The following NSG2 variants were observed in gnomAD, a reference collection of about 807,000 sequenced individuals.
The protein encoded by NSG2 is neuronal vesicle trafficking associated 2.
In NSG2, 4 loss-of-function variants were observed where a neutral mutation model predicts 16.9. The observed-to-expected ratio is 0.24, with a 90% CI of 0.12 to 0.54. The LOEUF is 0.54. NSG2 is among the 20% of genes least tolerant of loss of function. NSG2 has a pLI of 0.95. For missense variants in NSG2, 179 were observed against 221.1 expected (o/e 0.81, Z 1.21); for synonymous variants, 98 against 88.7 (o/e 1.11, Z -0.59).
At chr5:174,092,336 G>A (rs918733036) in intron 3 of NSG2, among the ~76,000 whole-genome samples, 9 of 152,258 alleles carry the variant, frequency 5.9e-5, no homozygotes, top group African/African-American at 2.2e-4. Context: ...GGTCGGGGAT[G>A]CAGGAGGGGT....
intron 3 of NSG2, among the ~76,000 whole-genome samples, chr5:174,103,260 A>G (rs1483712496): frequency 6.6e-6 from 1 of 152,078 alleles, no homozygotes; most frequent in Non-Finnish European, 1.5e-5. Flanking sequence ...TGGTCAGATT[A>G]TGGGTGTATT....
intron 2 of NSG2, among the ~76,000 whole-genome samples, chr5:174,053,719 A>C (rs1581217110): frequency 6.6e-6 from 1 of 152,302 alleles, no homozygotes; most frequent in East Asian, 1.9e-4. Flanking sequence ...ATGTAGCAAA[A>C]ATACCTTATA....
At chr5:174,058,400 C>G (rs1759997526) in intron 2 of NSG2, among the ~76,000 whole-genome samples, 1 of 152,116 alleles carries the variant, frequency 6.6e-6, no homozygotes. Context: ...CACTGCACTC[C>G]AGCCTGGGCA....
intron 3 of NSG2, among the ~76,000 whole-genome samples, chr5:174,101,342 G>C (rs1316734243): frequency 2.0e-5 from 3 of 152,228 alleles, no homozygotes; most frequent in African/African-American, 2.4e-5. Context: ...AAAGTGAGCA[G>C]TGCAGTGGCA....
rs186590771 is a variant in NSG2 at position 174,074,419 on chromosome 5, G to A, written c.213+10104G>A. On this transcript the variant is annotated intron_variant, in intron 3 of 4. Coordinates refer to ENST00000303177, the MANE Select transcript of NSG2 (RefSeq NM_015980.5). ...GCTTGGGTCTCCAGTGGGAAGCTAC[G>A]CCTGGTACCTGTGGGCCTCCATCCC... 1.3e-3 allele frequency among the ~76,000 whole-genome samples: 199 copies of A among 152,160 alleles called. 1 individual carries two copies. Among genetic ancestry groups the A allele is most frequent in the Admixed American group, 9.7e-3 (148 of 15,282 alleles).
intron 3 of NSG2, among the ~76,000 whole-genome samples, chr5:174,101,196 C>T (rs1052214661): frequency 4.6e-5 from 7 of 152,204 alleles, no homozygotes; most frequent in African/African-American, 1.7e-4. Context: ...ATCCCTTTAA[C>T]AGAAAGGGTC....
intron 2 of NSG2, chr5:174,062,480 CAG>C (rs1760068531): frequency 1.3e-5 from 2 of 152,174 alleles, no homozygotes; most frequent in African/African-American, 4.8e-5. Flanking sequence ...ATAAAAATAA[CAG>C]AGCATCCTTC....
intron 3 of NSG2, among the ~76,000 whole-genome samples, chr5:174,077,932 GAAATT>G (rs996947390): frequency 2.0e-5 from 3 of 152,138 alleles, no homozygotes; most frequent in African/African-American, 7.2e-5. Context: ...CATTCACTGA[GAAATT>G]AAAGTCTCCC....
intron 3 of NSG2, among the ~76,000 whole-genome samples, chr5:174,094,040 CACT>C (rs1248402052): frequency 6.6e-6 from 1 of 152,164 alleles, no homozygotes; most frequent in Non-Finnish European, 1.5e-5. Flanking sequence ...TGCTTCGTTG[CACT>C]ATTACAAGCA....
Position 174,104,304 on chromosome 5 carries a change from A to G in NSG2, c.290A>G (p.Tyr97Cys), listed in dbSNP as rs776692874. ...CTGGTGGTTTACAAAGCCTTCACCTATGATCACAGCTGCCCAGAGGGATTC... is the reference window on the plus strand; with the variant it reads ...CTGGTGGTTTACAAAGCCTTCACCTGTGATCACAGCTGCCCAGAGGGATTC... ...VFLVVYKAFT[Y>C]DHSCPEGFVY... is the part of the protein sequence containing the mutation. Residue 97 changes from tyrosine to cysteine, a missense_variant, in exon 4 of 5, where the codon TAT becomes TGT. Coordinates refer to ENST00000303177, the MANE Select transcript of NSG2 (RefSeq NM_015980.5). 2 of 1,614,088 alleles carry G rather than the reference A, an allele frequency of 1.2e-6. No homozygotes were observed. Among genetic ancestry groups the G allele is most frequent in the Admixed American group, 1.7e-5 (1 of 60,026 alleles).
intron 3 of NSG2, among the ~76,000 whole-genome samples, chr5:174,076,138 G>A (rs1760337492): frequency 6.6e-6 from 1 of 152,216 alleles, no homozygotes; most frequent in Admixed American, 6.5e-5. Context: ...TTTTACTTCT[G>A]TAAAATGGGG....
intron 3 of NSG2, among the ~76,000 whole-genome samples, chr5:174,088,775 A>G (rs562603881): frequency 4.6e-5 from 7 of 152,276 alleles, no homozygotes; most frequent in African/African-American, 1.4e-4. Flanking sequence ...GTTTCCAGAT[A>G]AGACAGCTGA....
At chr5:174,096,511 A>C (rs1323201259) in intron 3 of NSG2, among the ~76,000 whole-genome samples, 1 of 152,090 alleles carries the variant, frequency 6.6e-6, no homozygotes, top group Non-Finnish European at 1.5e-5. Context: ...TAAATCCAAA[A>C]ATGCCTTGTC....
intron 3 of NSG2, among the ~76,000 whole-genome samples, chr5:174,097,679 CTCTG>C (rs201100453): frequency 0.023 from 3,379 of 145,992 alleles, 108 homozygotes; most frequent in African/African-American, 0.073. Context: ...ATATCTGTGT[CTCTG>C]TCTGTGTAAC....
intron 3 of NSG2, among the ~76,000 whole-genome samples, chr5:174,068,262 A>AG (rs1760176491): frequency 6.6e-6 from 1 of 152,140 alleles, no homozygotes; most frequent in Non-Finnish European, 1.5e-5. Flanking sequence ...AGAAGGGAGC[A>AG]GGGTGGGGAG....
chr5:174,087,756 C>G (rs1322699864), intron 3 of NSG2, among the ~76,000 whole-genome samples: 1 of 151,534 alleles, frequency 6.6e-6, no homozygotes, highest in Admixed American at 6.6e-5. Flanking sequence ...CCACTGCACT[C>G]CAGACTGGGT....
At chr5:174,045,874 C>T (rs534212112) in intron 1 of NSG2, 31 bp downstream of exon 1, 1 of 152,484 alleles carries the variant, frequency 6.6e-6, no homozygotes, top group Admixed American at 6.5e-5. Context: ...GCTATAACCA[C>T]TCCCCAATAT....
intron 3 of NSG2, among the ~76,000 whole-genome samples, chr5:174,088,570 G>GA (rs1206324355): frequency 6.6e-5 from 10 of 152,272 alleles, no homozygotes; most frequent in East Asian, 5.8e-4. Flanking sequence ...TGTTTGGCAT[G>GA]AAAAAAACTC....
At chr5:174,048,089 G>A (rs564289138) in intron 2 of NSG2, among the ~76,000 whole-genome samples, 30 of 152,324 alleles carry the variant, frequency 2.0e-4, no homozygotes, top group Non-Finnish European at 3.5e-4. Flanking sequence ...GGGTGGGGTG[G>A]CAGACAGAGA....
Sources: allele counts gnomAD v4.1 joint callset (sites outside exome capture counted in the v4.1 genomes callset), GRCh38; gene constraint gnomAD v4.1.1; transcripts MANE v1.5; gene names NCBI Gene and HGNC (gene_info 2026-07-23, HGNC 2026-07-21).